The following NRG3 variants were observed in gnomAD, a reference collection of about 807,000 sequenced individuals.
The protein encoded by NRG3 is pro-neuregulin-3, membrane-bound isoform.
A neutral mutation model predicts 66.9 loss-of-function variants in NRG3; 31 were observed. The ratio of observed to expected loss-of-function variants is 0.46; its 90% CI spans 0.35 to 0.63. The LOEUF is 0.63. Among genes scored for constraint, NRG3 ranks in the 20% least tolerant of loss-of-function variants. The pLI, the probability that NRG3 is intolerant of heterozygous loss-of-function variation, is 0.00. For missense variants in NRG3, 910 were observed against 878.9 expected (o/e 1.04, Z -0.45); for synonymous variants, 393 against 359.4 (o/e 1.09, Z -1.06).
intron 1 of NRG3, among the ~76,000 whole-genome samples, chr10:82,130,304 T>G (rs960663128): frequency 6.6e-6 from 1 of 152,074 alleles, no homozygotes; most frequent in South Asian, 2.1e-4. Flanking sequence ...TGTATACATG[T>G]GCCTTGTTGG....
chr10:82,230,191 C>T (rs1283142266), intron 1 of NRG3: 3 of 152,178 alleles, frequency 2.0e-5, no homozygotes, highest in Non-Finnish European at 2.9e-5. Context: ...TGATCACCGT[C>T]AATATCCTAA....
At chr10:81,963,909 A>G (rs2059625389) in intron 1 of NRG3, among the ~76,000 whole-genome samples, 1 of 152,196 alleles carries the variant, frequency 6.6e-6, no homozygotes, top group African/African-American at 2.4e-5. Context: ...CCAACCAGGA[A>G]GTATTAATCA....
intron 2 of NRG3, among the ~76,000 whole-genome samples, chr10:82,500,532 G>A (rs765685781): frequency 4.6e-5 from 7 of 152,038 alleles, no homozygotes; most frequent in African/African-American, 9.7e-5. Context: ...CCTTGCTTCC[G>A]CTGCAGTGCA....
At chr10:82,161,597 T>G (rs562434347) in intron 1 of NRG3, among the ~76,000 whole-genome samples, 1 of 152,250 alleles carries the variant, frequency 6.6e-6, no homozygotes, top group Admixed American at 6.6e-5. Flanking sequence ...AATTTTATAT[T>G]AATACATTCA....
intron 1 of NRG3, among the ~76,000 whole-genome samples, chr10:82,131,149 T>A (rs2068790254): frequency 6.6e-6 from 1 of 152,174 alleles, no homozygotes. Context: ...TCCCCAATGT[T>A]CTCTTTTAGT....
intron 1 of NRG3, among the ~76,000 whole-genome samples, chr10:81,894,594 G>T (rs573402298): frequency 6.6e-6 from 1 of 152,148 alleles, no homozygotes; most frequent in African/African-American, 2.4e-5. Flanking sequence ...ACACAATTCA[G>T]TTCATAATAG....
At chr10:82,308,875 A>T (rs1400262018) in intron 1 of NRG3, among the ~76,000 whole-genome samples, 1 of 152,144 alleles carries the variant, frequency 6.6e-6, no homozygotes, top group Non-Finnish European at 1.5e-5. Flanking sequence ...TCCACCTGAT[A>T]TAGTGAAAGC....
rs142642506 is a variant in NRG3, at chr10:82,558,711, A to G, written c.954-179866A>G. Among the ~76,000 whole-genome samples, 706 of 152,288 alleles carry G rather than the reference A, an allele frequency of 4.6e-3. 5 individuals carry two copies. The highest frequency in any genetic ancestry group is 0.016 in the African/African-American group (670 of 41,572). ...TTCTCTAAAGTATAGAATAACTGTT[A>G]AATAAATATAGAGATGCTCATTTTA... On this transcript the variant is annotated intron_variant, in intron 2 of 8. Coordinates refer to ENST00000372141, the MANE Select transcript of NRG3 (RefSeq NM_001010848.4).
chr10:81,993,506 C>T (rs546396622), intron 1 of NRG3, among the ~76,000 whole-genome samples: 1 of 152,124 alleles, frequency 6.6e-6, no homozygotes, highest in African/African-American at 2.4e-5. Flanking sequence ...GCCACCACAA[C>T]CAGCTAATTT....
rs548503378 is a variant in NRG3, at chr10:81,982,214, C to A, written c.823+106051C>A. On this transcript the variant is annotated intron_variant, in intron 1 of 8. Transcript: ENST00000372141. ...GTTTGTCACCTACAATTTCTACTTT[C>A]CACAAAACACTGGGACACAGTTCAG... Among the ~76,000 whole-genome samples, 4 of 152,308 alleles carry A rather than the reference C, an allele frequency of 2.6e-5. 1 individual carries two copies. The South Asian group carries it at 8.3e-4, about 32-fold the overall frequency.
chr10:82,880,393 A>C (rs542409893), intron 4 of NRG3, among the ~76,000 whole-genome samples: 10 of 152,262 alleles, frequency 6.6e-5, no homozygotes, highest in Non-Finnish European at 1.3e-4. Flanking sequence ...AGGGCACAGA[A>C]AGTTAGTCTT....
At position 82,153,524 on chromosome 10, in the gene NRG3, T is replaced by C. The variant is rs191397867; in HGVS notation, c.824-205215T>C. ...ATGTGTATAATGCTGAAATGAATTA[T>C]GAGTGCAGGTATCTCTTTGACTTAC... On this transcript the variant is annotated intron_variant, in intron 1 of 8. Transcript: ENST00000372141. Among the ~76,000 whole-genome samples, 26 of 152,044 alleles carry C rather than the reference T, an allele frequency of 1.7e-4. No individual in the cohort carries two copies. The East Asian group carries it at 3.7e-3, about 22-fold the overall frequency.
intron 1 of NRG3, among the ~76,000 whole-genome samples, chr10:82,003,911 C>T (rs529159597): frequency 2.0e-5 from 3 of 151,254 alleles, no homozygotes; most frequent in South Asian, 2.1e-4. Flanking sequence ...TCAGCTACTC[C>T]GGAGGCTGAA....
intron 4 of NRG3, among the ~76,000 whole-genome samples, chr10:82,946,896 C>T (rs1026784782): frequency 2.0e-4 from 30 of 152,006 alleles, no homozygotes; most frequent in African/African-American, 6.5e-4. Context: ...TCTGCATATT[C>T]GACATATTCT....
At chr10:82,722,391 CAAAG>C (rs1165370327) in intron 2 of NRG3, among the ~76,000 whole-genome samples, 2 of 152,014 alleles carry the variant, frequency 1.3e-5, no homozygotes, top group African/African-American at 2.4e-5. Flanking sequence ...TATTGAAAAT[CAAAG>C]GAAGATGAGA....
chr10:82,308,183 T>C (rs920644961), intron 1 of NRG3, among the ~76,000 whole-genome samples: 1 of 152,184 alleles, frequency 6.6e-6, no homozygotes, highest in Non-Finnish European at 1.5e-5. Flanking sequence ...ATTGACTGAT[T>C]GAGACAGAGT....
chr10:81,939,826 TTTC>T (rs1388436695), intron 1 of NRG3, among the ~76,000 whole-genome samples: 17 of 152,012 alleles, frequency 1.1e-4, no homozygotes, highest in African/African-American at 4.1e-4. Context: ...GAGTCTAGTT[TTTC>T]TTCTTCTTTT....
chr10:82,614,882 C>T (rs1334696838), intron 2 of NRG3, among the ~76,000 whole-genome samples: 1 of 151,482 alleles, frequency 6.6e-6, no homozygotes, highest in African/African-American at 2.4e-5. Flanking sequence ...AGGTGCATAC[C>T]TATAATATAT....
intron 1 of NRG3, among the ~76,000 whole-genome samples, chr10:81,998,323 A>G (rs898992570): frequency 1.3e-5 from 2 of 152,200 alleles, no homozygotes; most frequent in African/African-American, 2.4e-5. Flanking sequence ...CTACTTAGAC[A>G]TGTTTCTCTA....
Sources: allele counts gnomAD v4.1 joint callset (sites outside exome capture counted in the v4.1 genomes callset), GRCh38; gene constraint gnomAD v4.1.1; transcripts MANE v1.5; gene names NCBI Gene and HGNC (gene_info 2026-07-23, HGNC 2026-07-21).